The following DIAPH3 variants were observed in gnomAD, a reference collection of about 807,000 sequenced individuals.
DIAPH3 encodes protein diaphanous homolog 3.
In DIAPH3, 117 loss-of-function variants were observed where a neutral mutation model predicts 144.3. The observed-to-expected ratio is 0.81, with a 90% CI of 0.70 to 0.95. The LOEUF (loss-of-function observed/expected upper bound fraction) is 0.95. DIAPH3 is among the 40% of genes least tolerant of loss of function. The pLI is 0.00. For synonymous variants in DIAPH3, 519 were observed against 488.9 expected, an observed-to-expected ratio of 1.06 and a Z score of -0.81; for missense variants, 1,421 against 1,412.7, an observed-to-expected ratio of 1.01 and a Z score of -0.09.
intron 1 of DIAPH3, among the ~76,000 whole-genome samples, chr13:60,149,307 C>G (rs990047102): frequency 2.6e-5 from 4 of 152,162 alleles, no homozygotes; most frequent in African/African-American, 9.7e-5. Context: ...ACAATTACAG[C>G]AAGCTCTAGG....
At chr13:60,029,647 C>G (rs2054642110) in intron 5 of DIAPH3, among the ~76,000 whole-genome samples, 1 of 152,190 alleles carries the variant, frequency 6.6e-6, no homozygotes, top group Non-Finnish European at 1.5e-5. Context: ...CCTTTGCCTT[C>G]TGCCATGATT....
chr13:59,698,856 C>G (rs2033952872), intron 27 of DIAPH3, among the ~76,000 whole-genome samples: 1 of 151,978 alleles, frequency 6.6e-6, no homozygotes, highest in Admixed American at 6.6e-5. Flanking sequence ...TTCACTGAAG[C>G]AAAATGAGAA....
chr13:59,883,168 T>C (rs938883071), intron 20 of DIAPH3, among the ~76,000 whole-genome samples: 2 of 152,188 alleles, frequency 1.3e-5, no homozygotes, highest in African/African-American at 2.4e-5. Flanking sequence ...CCTGTAGCCC[T>C]TATCGTTGAA....
At position 59,948,738 on chromosome 13, in the gene DIAPH3, G is replaced by A. The variant is rs567796473; in HGVS notation, c.2074+21206C>T. ...GGCCTCCCAAAGCACTGGGGTTGTA[G>A]GTGTGAGCTACCTCACCAGCCCATG... On this transcript the variant is annotated intron_variant, in intron 17 of 27. Coordinates refer to ENST00000400324, the MANE Select transcript of DIAPH3 (RefSeq NM_001042517.2). Among the ~76,000 whole-genome samples, 10 of 152,190 alleles carry A rather than the reference G, an allele frequency of 6.6e-5. 1 individual carries two copies. In the South Asian group the frequency reaches 1.9e-3, roughly 28 times the overall value.
chr13:59,740,466 T>C (rs1159056634), intron 27 of DIAPH3, among the ~76,000 whole-genome samples: 4 of 152,182 alleles, frequency 2.6e-5, no homozygotes, highest in Non-Finnish European at 4.4e-5. Context: ...CTGAGAATAT[T>C]AATTACAGTG....
chr13:60,161,183 T>C (rs1176410608), intron 1 of DIAPH3, among the ~76,000 whole-genome samples: 3 of 152,208 alleles, frequency 2.0e-5, no homozygotes, highest in Non-Finnish European at 4.4e-5. Context: ...CAAAAACAGC[T>C]GCCCCAGGCT....
At chr13:59,733,436 T>C (rs1402859748) in intron 27 of DIAPH3, among the ~76,000 whole-genome samples, 2 of 152,190 alleles carry the variant, frequency 1.3e-5, no homozygotes, top group Non-Finnish European at 2.9e-5. Flanking sequence ...AACTAGTGTG[T>C]AACTTGTGTC....
chr13:60,097,378 C>T (rs2058136466), intron 3 of DIAPH3, among the ~76,000 whole-genome samples: 1 of 152,056 alleles, frequency 6.6e-6, no homozygotes, highest in Admixed American at 6.6e-5. Context: ...TGAGAGCAGG[C>T]TGTTTATAAG....
intron 1 of DIAPH3, among the ~76,000 whole-genome samples, chr13:60,159,481 C>T (rs7985911): frequency 0.084 from 12,816 of 151,922 alleles, 747 homozygotes; most frequent in East Asian, 0.29. Context: ...CAAAATTAGC[C>T]GGGCGTAGTG....
At chr13:59,857,061 G>A (rs994738094) in intron 22 of DIAPH3, among the ~76,000 whole-genome samples, 28 of 152,252 alleles carry the variant, frequency 1.8e-4, no homozygotes, top group Non-Finnish European at 3.7e-4. Context: ...TGACTCTGCT[G>A]CAGGGGATAT....
intron 27 of DIAPH3, among the ~76,000 whole-genome samples, chr13:59,688,932 C>T (rs1301026711): frequency 2.6e-5 from 4 of 151,988 alleles, no homozygotes; most frequent in Admixed American, 6.6e-5. Context: ...ATTTTAGTAT[C>T]AAATTATGTT....
intron 27 of DIAPH3, among the ~76,000 whole-genome samples, chr13:59,754,375 C>T (rs1169984682): frequency 1.3e-5 from 2 of 152,124 alleles, no homozygotes; most frequent in Non-Finnish European, 2.9e-5. Flanking sequence ...CAGCGTCTGA[C>T]ACGTAGTAAG....
intron 25 of DIAPH3, among the ~76,000 whole-genome samples, chr13:59,775,252 G>GT (rs1008682592): frequency 9.4e-5 from 14 of 149,524 alleles, no homozygotes; most frequent in South Asian, 4.4e-4. Flanking sequence ...TTTGTTTTTT[G>GT]TTTTTTTTGA....
intron 17 of DIAPH3, among the ~76,000 whole-genome samples, chr13:59,952,583 A>G (rs544255734): frequency 6.6e-5 from 10 of 152,130 alleles, no homozygotes; most frequent in Non-Finnish European, 1.3e-4. Flanking sequence ...AGGAAAAAAA[A>G]GGTGAATCAT....
Position 59,974,476 on chromosome 13 carries a change from A to G in DIAPH3, c.1546-20T>C. On this transcript the variant is annotated intron_variant, in intron 14 of 27. Transcript: ENST00000400324. ...TTCAAACTGAAACAAATTAAAAATA[A>G]TAACAAAAACAGGAAGATGAAAATG... 5 of 1,579,194 alleles carry G rather than the reference A, an allele frequency of 3.2e-6. No individual in the cohort carries two copies. Among genetic ancestry groups the G allele is most frequent in the Non-Finnish European group, 4.3e-6 (5 of 1,152,730 alleles).
intron 20 of DIAPH3, among the ~76,000 whole-genome samples, chr13:59,904,008 T>A (rs2046596992): frequency 6.6e-6 from 1 of 152,188 alleles, no homozygotes; most frequent in Non-Finnish European, 1.5e-5. Flanking sequence ...CATTTAGAGA[T>A]ATGCACAGAG....
intron 3 of DIAPH3, among the ~76,000 whole-genome samples, chr13:60,108,194 A>T (rs541908915): frequency 1.1e-4 from 16 of 151,500 alleles, no homozygotes; most frequent in Non-Finnish European, 1.9e-4. Flanking sequence ...AGTGAAAAGT[A>T]AAAAAAAAGA....
At chr13:60,120,501 A>C (rs2058818785) in intron 2 of DIAPH3, among the ~76,000 whole-genome samples, 1 of 152,200 alleles carries the variant, frequency 6.6e-6, no homozygotes, top group Non-Finnish European at 1.5e-5. Context: ...ACGAAAACTT[A>C]CTGTTCCCTC....
intron 27 of DIAPH3, among the ~76,000 whole-genome samples, chr13:59,764,663 T>A (rs2037779968): frequency 6.7e-6 from 1 of 149,352 alleles, no homozygotes; most frequent in Non-Finnish European, 1.5e-5. Context: ...AAAGGACACA[T>A]GGGGAGAACA....
Sources: allele counts gnomAD v4.1 joint callset (sites outside exome capture counted in the v4.1 genomes callset), GRCh38; gene constraint gnomAD v4.1.1; transcripts MANE v1.5; gene names NCBI Gene and HGNC (gene_info 2026-07-23, HGNC 2026-07-21).